LRP1B: variants seen among roughly 807,000 people sequenced by gnomAD.
LRP1B encodes the protein low-density lipoprotein receptor-related protein 1B.
A neutral mutation model predicts 556.6 loss-of-function variants in LRP1B; 217 were observed. That is an observed-to-expected ratio of 0.39 (90% CI 0.35 to 0.44). LRP1B has a LOEUF of 0.44. LRP1B is among the 20% of genes least tolerant of loss of function. The probability of loss-of-function intolerance (pLI) is 1.00; values close to 1 mark genes in which losing one functional copy is unlikely to be tolerated. For missense variants in LRP1B, 5,053 were observed against 5,620.8 expected (o/e 0.90, Z 3.23); for synonymous variants, 2,047 against 1,865.8 (o/e 1.10, Z -2.50).
chr2:141,920,634 A>G (rs1700161176), intron 1 of LRP1B, among the ~76,000 whole-genome samples: 1 of 152,016 alleles, frequency 6.6e-6, no homozygotes, highest in Non-Finnish European at 1.5e-5. Context: ...AATTTCCATA[A>G]CATTTTAGAA....
intron 1 of LRP1B, among the ~76,000 whole-genome samples, chr2:141,893,730 C>T (rs1415521613): frequency 2.0e-5 from 3 of 152,030 alleles, no homozygotes; most frequent in Non-Finnish European, 4.4e-5. Flanking sequence ...CTCCGTTTAC[C>T]TTGTATGTAG....
chr2:141,544,339 TCTTC>T (rs1281458963), intron 2 of LRP1B, among the ~76,000 whole-genome samples: 1 of 77,166 alleles, frequency 1.3e-5, no homozygotes, highest in African/African-American at 5.1e-5. Context: ...TTCTTCTTCT[TCTTC>T]TTCTTCTTCT....
intron 1 of LRP1B, among the ~76,000 whole-genome samples, chr2:142,001,865 CT>C (rs1255468091): frequency 6.6e-6 from 1 of 152,064 alleles, no homozygotes; most frequent in Non-Finnish European, 1.5e-5. Flanking sequence ...GTTTAATATG[CT>C]GAAAATTGTG....
intron 2 of LRP1B, among the ~76,000 whole-genome samples, chr2:141,731,418 C>T (rs1693269762): frequency 6.6e-6 from 1 of 152,082 alleles, no homozygotes; most frequent in South Asian, 2.1e-4. Flanking sequence ...ATTCCTGTTC[C>T]ACTTGTCTTT....
chr2:141,810,186 A>AAAGAAAG lies in LRP1B; in HGVS notation c.205+92_205+93insCTTTCTT. The AAAGAAAG allele has an allele frequency of 3.7e-5, 38 of 1,030,984 alleles. No individual in the cohort carries two copies. The South Asian group carries it at 3.9e-4, about 10-fold the overall frequency. The allele number at this position is 1,030,984 out of a possible 1,614,324, so 63.9% of individuals were successfully genotyped here. On this transcript the variant is annotated intron_variant, in intron 2 of 90. Coordinates refer to ENST00000389484, the MANE Select transcript of LRP1B (RefSeq NM_018557.3). ...GAAAGAAGGAAAGAAAGAAAGAAAGAATCATCTAGAACAGCAGTCATCTGT... is the reference window on the plus strand; with the variant it reads ...GAAAGAAGGAAAGAAAGAAAGAAAGAAAGAAAGATCATCTAGAACAGCAGTCATCTGT...
In LRP1B at chr2:141,414,169, G is replaced by A. The variant is rs556575978; in HGVS notation, c.343+66227C>T. Among the ~76,000 whole-genome samples, 12 of 150,432 alleles carry A rather than the reference G, an allele frequency of 8.0e-5. No individual in the cohort carries two copies. The South Asian group carries it at 8.5e-4, about 11-fold the overall frequency. On this transcript the variant is annotated intron_variant, in intron 3 of 90. Transcript: ENST00000389484. ...GGAGAATGGCGTGAACCCGGGAGGC[G>A]GAGCTTGCAGTGAGCGGAGATAGCG... is the stretch of plus-strand genomic sequence containing the variant.
At chr2:140,305,324 T>C (rs953318077) in intron 83 of LRP1B, among the ~76,000 whole-genome samples, 2 of 152,202 alleles carry the variant, frequency 1.3e-5, no homozygotes, top group Non-Finnish European at 2.9e-5. Context: ...TGTCCTCTTT[T>C]ATTTTGTTGA....
At chr2:140,468,255 A>G (rs139229837) in intron 60 of LRP1B, among the ~76,000 whole-genome samples, 50 of 152,216 alleles carry the variant, frequency 3.3e-4, no homozygotes, top group African/African-American at 1.2e-3. Context: ...CAAATATAGT[A>G]AGTCTTGGTG....
chr2:141,038,449 A>T (rs1007637574), intron 11 of LRP1B, among the ~76,000 whole-genome samples: 3 of 152,138 alleles, frequency 2.0e-5, no homozygotes, highest in Non-Finnish European at 4.4e-5. Flanking sequence ...AGTAAGAAAG[A>T]TTACTGAGTA....
intron 2 of LRP1B, among the ~76,000 whole-genome samples, chr2:141,505,332 C>A (rs1392055941): frequency 6.6e-6 from 1 of 152,056 alleles, no homozygotes; most frequent in African/African-American, 2.4e-5. Flanking sequence ...TCATACCAGG[C>A]CTCTAGGGCC....
intron 3 of LRP1B, among the ~76,000 whole-genome samples, chr2:141,461,368 C>A (rs1458296354): frequency 2.0e-5 from 3 of 152,106 alleles, no homozygotes; most frequent in African/African-American, 7.2e-5. Flanking sequence ...GACAAGGCGG[C>A]TTCAGTGGAA....
chr2:142,011,872 T>A (rs973190495), intron 1 of LRP1B, among the ~76,000 whole-genome samples: 1 of 152,154 alleles, frequency 6.6e-6, no homozygotes, highest in Admixed American at 6.5e-5. Context: ...TGTTTTGTTT[T>A]TAGGTGAGAG....
At chr2:141,010,335 GA>G (rs919794200) in intron 14 of LRP1B, among the ~76,000 whole-genome samples, 3 of 151,914 alleles carry the variant, frequency 2.0e-5, no homozygotes, top group Non-Finnish European at 4.4e-5. Flanking sequence ...TAATGTTAAT[GA>G]AAAAGGAAAG....
rs531552068 is a variant in LRP1B at position 141,977,768 on chromosome 2, A to G, written c.82+152880T>C. On this transcript the variant is annotated intron_variant, in intron 1 of 90. Coordinates refer to ENST00000389484, the MANE Select transcript of LRP1B (RefSeq NM_018557.3). ...TGACAAGAAAAACAAAGAATAGTTTACTATAGAATGATAGAATACTGTACA... is the reference window on the plus strand; with the variant it reads ...TGACAAGAAAAACAAAGAATAGTTTGCTATAGAATGATAGAATACTGTACA... Among the ~76,000 whole-genome samples, 124 of 152,162 alleles carry G rather than the reference A, an allele frequency of 8.1e-4. 2 individuals carry two copies. The Middle Eastern group carries it at 0.024, about 29-fold the overall frequency.
chr2:141,752,651 G>GGT lies in LRP1B; in HGVS notation c.205+57626_205+57627dup, dbSNP rs35485226. Among the ~76,000 whole-genome samples, 714 of 149,802 alleles carry GGT rather than the reference G, an allele frequency of 4.8e-3. 14 individuals are homozygous for GGT. Among genetic ancestry groups the GGT allele is most frequent in the South Asian group, 0.035 (164 of 4,716 alleles). On this transcript the variant is annotated intron_variant, in intron 2 of 90. Transcript: ENST00000389484. ...AACCAAATAAATCAAAATCTTGGGT[G>GGT]GTGTGTGTGTGTGTGTGTGTTTATA...
chr2:141,919,180 A>G (rs1700114624), intron 1 of LRP1B, among the ~76,000 whole-genome samples: 2 of 152,134 alleles, frequency 1.3e-5, no homozygotes, highest in Non-Finnish European at 2.9e-5. Flanking sequence ...ATACATATGT[A>G]TGATCTATAG....
intron 2 of LRP1B, among the ~76,000 whole-genome samples, chr2:141,594,930 T>G (rs2105299909): frequency 6.6e-6 from 1 of 152,212 alleles, no homozygotes; most frequent in African/African-American, 2.4e-5. Flanking sequence ...TTATAGAAGT[T>G]TATGAACTAT....
chr2:141,714,287 G>C (rs917124815), intron 2 of LRP1B, among the ~76,000 whole-genome samples: 4 of 152,090 alleles, frequency 2.6e-5, no homozygotes, highest in African/African-American at 4.8e-5. Context: ...ACAAGCATCT[G>C]TCAAATGACT....
At chr2:140,583,842 T>C (rs1022536151) in intron 43 of LRP1B, among the ~76,000 whole-genome samples, 1 of 152,166 alleles carries the variant, frequency 6.6e-6, no homozygotes, top group Non-Finnish European at 1.5e-5. Flanking sequence ...CAAAGGACTA[T>C]AAAAAAATGA....
Sources: allele counts gnomAD v4.1 joint callset (sites outside exome capture counted in the v4.1 genomes callset), GRCh38; gene constraint gnomAD v4.1.1; transcripts MANE v1.5; gene names NCBI Gene and HGNC (gene_info 2026-07-23, HGNC 2026-07-21).